The following GRIN3A variants were observed in gnomAD, a reference collection of about 807,000 sequenced individuals.
GRIN3A encodes glutamate receptor ionotropic, NMDA 3A.
A neutral mutation model predicts 92.4 loss-of-function variants in GRIN3A; 47 were observed. That is an observed-to-expected ratio of 0.51 (90% CI 0.40 to 0.65). The LOEUF (loss-of-function observed/expected upper bound fraction) is 0.65, where lower values mean the gene tolerates loss of function less well. Among genes scored for constraint, GRIN3A ranks in the 30% least tolerant of loss-of-function variants. The probability of loss-of-function intolerance (pLI) is 0.00; values close to 1 mark genes in which losing one functional copy is unlikely to be tolerated. For missense variants in GRIN3A, 1,324 were observed against 1,393.1 expected, an observed-to-expected ratio of 0.95 and a Z score of 0.79; for synonymous variants, 527 against 540.6, an observed-to-expected ratio of 0.97 and a Z score of 0.35.
chr9:101,601,289 C>T (rs1828207146), intron 6 of GRIN3A, among the ~76,000 whole-genome samples: 1 of 152,184 alleles, frequency 6.6e-6, no homozygotes, highest in Admixed American at 6.5e-5. Flanking sequence ...CATTTAGTCT[C>T]TACCCAGTAG....
chr9:101,583,694 A>G lies in GRIN3A; in HGVS notation c.2767-4334T>C, dbSNP rs1395268807. 2.0e-5 allele frequency among the ~76,000 whole-genome samples: 3 copies of G among 152,148 alleles called. No homozygotes were observed. The East Asian group carries it at 5.8e-4, about 29-fold the overall frequency. On this transcript the variant is annotated intron_variant, in intron 6 of 8. Transcript: ENST00000361820. ...GTCCAGTCTCATGCTGTCAAGGGCC[A>G]TGTAAATGAATGCAAAAAGAATGCA... is the stretch of plus-strand genomic sequence containing the variant.
At position 101,670,861 on chromosome 9, in the gene GRIN3A, C is replaced by G. The variant is rs766307630; in HGVS notation, c.1551G>C (p.Val517=). Residue 517 remains valine (V), a synonymous_variant, in exon 3 of 9, where the codon GTG becomes GTC. Transcript: ENST00000361820. ...CAAAAGGATGCTCAATCAGGGTAAC[C>G]ACTCTCAAGTGTAGCTTACTTGGAT... is the stretch of plus-strand genomic sequence containing the variant. ...FQHPSKLHLR[V]VTLIEHPFVF... 6.2e-7 allele frequency: 1 copy of G among 1,613,536 alleles called. No homozygotes were observed. The highest frequency in any genetic ancestry group is 1.1e-5 in the South Asian group (1 of 91,056).
At chr9:101,634,541 G>T (rs1456205846) in intron 3 of GRIN3A, among the ~76,000 whole-genome samples, 1 of 151,664 alleles carries the variant, frequency 6.6e-6, no homozygotes, top group Non-Finnish European at 1.5e-5. Flanking sequence ...TTACATATGA[G>T]GAGCTGTGAT....
chr9:101,619,768 T>C (rs1007940901), intron 5 of GRIN3A, among the ~76,000 whole-genome samples: 5 of 152,238 alleles, frequency 3.3e-5, no homozygotes, highest in South Asian at 4.1e-4. Flanking sequence ...TATTGTGCAG[T>C]TACGTTACTC....
intron 1 of GRIN3A, among the ~76,000 whole-genome samples, chr9:101,724,878 A>G (rs974158072): frequency 1.3e-5 from 2 of 152,198 alleles, no homozygotes; most frequent in African/African-American, 4.8e-5. Flanking sequence ...AGCATGTGAA[A>G]ATGAACTAAT....
At chr9:101,656,849 T>G (rs945430204) in intron 3 of GRIN3A, among the ~76,000 whole-genome samples, 8 of 151,668 alleles carry the variant, frequency 5.3e-5, no homozygotes, top group Non-Finnish European at 1.0e-4. Context: ...CTATGAGGAG[T>G]AGAGAGCGAC....
intron 6 of GRIN3A, among the ~76,000 whole-genome samples, chr9:101,595,531 T>C (rs991158916): frequency 7.2e-5 from 11 of 152,118 alleles, no homozygotes; most frequent in African/African-American, 2.4e-4. Flanking sequence ...GGCATTGATA[T>C]AGTATGTTTT....
chr9:101,685,362 T>C (rs906636756), intron 2 of GRIN3A, among the ~76,000 whole-genome samples: 7 of 151,034 alleles, frequency 4.6e-5, no homozygotes, highest in Non-Finnish European at 1.0e-4. Flanking sequence ...CATTATCATG[T>C]CTTTTTTAAA....
At chr9:101,649,172 G>A (rs1828978177) in intron 3 of GRIN3A, among the ~76,000 whole-genome samples, 2 of 152,018 alleles carry the variant, frequency 1.3e-5, no homozygotes, top group Non-Finnish European at 2.9e-5. Flanking sequence ...ACTAAAATGA[G>A]CACTGGAACT....
At chr9:101,645,462 A>G (rs1320791308) in intron 3 of GRIN3A, among the ~76,000 whole-genome samples, 1 of 151,820 alleles carries the variant, frequency 6.6e-6, no homozygotes, top group Non-Finnish European at 1.5e-5. Context: ...GCAGATGCAG[A>G]TACATTTCTT....
At chr9:101,685,145 C>G (rs1417250278) in intron 2 of GRIN3A, among the ~76,000 whole-genome samples, 2 of 152,038 alleles carry the variant, frequency 1.3e-5, no homozygotes, top group Non-Finnish European at 2.9e-5. Context: ...TTATTAACAA[C>G]ATTCTTTAAG....
At chr9:101,715,589 A>G (rs1401546107) in intron 1 of GRIN3A, among the ~76,000 whole-genome samples, 2 of 152,144 alleles carry the variant, frequency 1.3e-5, no homozygotes, top group Non-Finnish European at 2.9e-5. Context: ...TTTGATTTTT[A>G]TCATTAGAAA....
chr9:101,664,884 T>A (rs1260330110), intron 3 of GRIN3A, among the ~76,000 whole-genome samples: 1 of 151,992 alleles, frequency 6.6e-6, no homozygotes, highest in Non-Finnish European at 1.5e-5. Context: ...TTGTAAGTTA[T>A]CTGCTATCAG....
intron 6 of GRIN3A, among the ~76,000 whole-genome samples, chr9:101,609,711 C>T (rs1828334302): frequency 6.6e-6 from 1 of 152,174 alleles, no homozygotes; most frequent in African/African-American, 2.4e-5. Flanking sequence ...ATGGTCCCTT[C>T]AGCTGAAGTC....
intron 1 of GRIN3A, among the ~76,000 whole-genome samples, chr9:101,723,509 C>T (rs1830040756): frequency 6.6e-6 from 1 of 152,128 alleles, no homozygotes; most frequent in Non-Finnish European, 1.5e-5. Context: ...AACAAAGCTT[C>T]CACAGTGTGG....
chr9:101,610,599 A>G (rs1047916771), intron 6 of GRIN3A, among the ~76,000 whole-genome samples: 2 of 140,034 alleles, frequency 1.4e-5, no homozygotes, highest in African/African-American at 5.0e-5. Context: ...CTATCTATCT[A>G]TCTATCTATC....
At chr9:101,647,646 CT>C (rs1167232001) in intron 3 of GRIN3A, among the ~76,000 whole-genome samples, 1 of 151,896 alleles carries the variant, frequency 6.6e-6, no homozygotes, top group Admixed American at 6.6e-5. Flanking sequence ...TGATGGGAGA[CT>C]TTTTGTTACT....
At chr9:101,699,304 T>C (rs1281481262) in intron 1 of GRIN3A, among the ~76,000 whole-genome samples, 1 of 152,136 alleles carries the variant, frequency 6.6e-6, no homozygotes, top group Non-Finnish European at 1.5e-5. Context: ...GGGGCTGTCA[T>C]TGCCCATGAT....
chr9:101,615,570 TG>T (rs77856937), intron 5 of GRIN3A, among the ~76,000 whole-genome samples: 21,882 of 151,902 alleles, frequency 0.14, 3,103 homozygotes, highest in African/African-American at 0.38. Context: ...GTTAGCCAGA[TG>T]GTCTCGATTT....
Sources: allele counts gnomAD v4.1 joint callset (sites outside exome capture counted in the v4.1 genomes callset), GRCh38; gene constraint gnomAD v4.1.1; transcripts MANE v1.5; gene names NCBI Gene and HGNC (gene_info 2026-07-23, HGNC 2026-07-21).